Variants in MCOLN2 observed in about 807,000 individuals in gnomAD.
MCOLN2 encodes mucolipin TRP cation channel 2.
MCOLN2 carries 57 observed loss-of-function variants against 67.5 expected under a neutral mutation model. The ratio of observed to expected loss-of-function variants is 0.84; its 90% CI spans 0.68 to 1.05. The LOEUF (loss-of-function observed/expected upper bound fraction) is 1.05, where lower values mean the gene tolerates loss of function less well. Among genes scored for constraint, MCOLN2 ranks in the 50% least tolerant of loss-of-function variants. MCOLN2 has a pLI of 0.00. For missense variants in MCOLN2, 620 were observed against 678.8 expected (o/e 0.91, Z 0.96); for synonymous variants, 246 against 233.3 (o/e 1.05, Z -0.50).
intron 13 of MCOLN2, among the ~76,000 whole-genome samples, chr1:84,927,230 T>C (rs970982851): frequency 2.0e-5 from 3 of 151,944 alleles, no homozygotes; most frequent in Non-Finnish European, 2.9e-5. Flanking sequence ...AAAATATATG[T>C]TACATTTAGG....
intron 7 of MCOLN2, among the ~76,000 whole-genome samples, chr1:84,945,871 C>A (rs937256961): frequency 1.3e-5 from 2 of 152,136 alleles, no homozygotes; most frequent in African/African-American, 4.8e-5. Context: ...CTCAGCCTCC[C>A]AAGTAGCTGG....
At chr1:84,964,536 T>A (rs974450215) in intron 2 of MCOLN2, among the ~76,000 whole-genome samples, 3 of 101,124 alleles carry the variant, frequency 3.0e-5, no homozygotes, top group Admixed American at 1.2e-4. Context: ...TGGGGGGGGG[T>A]GGGTAATGGT....
chr1:84,931,312 A>C (rs746238118), intron 12 of MCOLN2, 50 bp downstream of exon 12: 2 of 1,067,330 alleles, frequency 1.9e-6, no homozygotes, highest in African/African-American at 3.2e-5. Context: ...CCTATAATCT[A>C]TATAGAATTT....
At chr1:84,964,629 T>C (rs919233928) in intron 2 of MCOLN2, among the ~76,000 whole-genome samples, 1 of 152,012 alleles carries the variant, frequency 6.6e-6, no homozygotes, top group South Asian at 2.1e-4. Flanking sequence ...GAAACAATTA[T>C]ACAACTCACC....
intron 1 of MCOLN2, among the ~76,000 whole-genome samples, chr1:84,995,668 T>C (rs544519571): frequency 2.0e-5 from 3 of 152,346 alleles, no homozygotes; most frequent in South Asian, 4.1e-4. Flanking sequence ...GACAGAGACA[T>C]AGCCAAAGAG....
At chr1:84,964,488 A>G (rs1465553417) in intron 2 of MCOLN2, among the ~76,000 whole-genome samples, 3 of 135,600 alleles carry the variant, frequency 2.2e-5, no homozygotes, top group Non-Finnish European at 4.6e-5. Context: ...CTGGTTTTGT[A>G]GAAGACAATT....
chr1:84,979,079 G>A (rs111758617), intron 1 of MCOLN2, among the ~76,000 whole-genome samples: 8 of 152,104 alleles, frequency 5.3e-5, no homozygotes, highest in Admixed American at 2.0e-4. Context: ...ATTAGATTGT[G>A]TCCACCCAGA....
intron 6 of MCOLN2, among the ~76,000 whole-genome samples, chr1:84,947,601 G>T (rs1648185863): frequency 6.6e-6 from 1 of 152,228 alleles, no homozygotes; most frequent in South Asian, 2.1e-4. Context: ...CCTTGCTACA[G>T]GAGAGCCCTC....
At chr1:84,967,999 G>A (rs557865216) in intron 1 of MCOLN2, among the ~76,000 whole-genome samples, 2 of 152,166 alleles carry the variant, frequency 1.3e-5, no homozygotes, top group South Asian at 4.2e-4. Context: ...AAGAACTCCT[G>A]GGTCAATCTT....
At chr1:84,930,836 A>C (rs757243401) in intron 12 of MCOLN2, among the ~76,000 whole-genome samples, 1 of 152,194 alleles carries the variant, frequency 6.6e-6, no homozygotes, top group Non-Finnish European at 1.5e-5. Context: ...TCAAGCCACA[A>C]ATCAGTTAAA....
At position 84,926,381 on chromosome 1, in the gene MCOLN2, C is replaced by G. The variant is rs79684080; in HGVS notation, c.*304G>C. 0.014 allele frequency: 3,822 copies of G among 270,290 alleles called. 67 individuals are homozygous for G. The highest frequency in any genetic ancestry group is 0.052 in the African/African-American group (2,354 of 45,688). The allele number at this position is 270,290 out of a possible 1,614,324, so 16.7% of individuals were successfully genotyped here. A position where few individuals can be genotyped will look rare whatever the true frequency, so the allele number is the denominator to read the frequency against. On this transcript the variant is annotated 3_prime_UTR_variant, in exon 14 of 14. Transcript: ENST00000370608. Reference sequence around the variant, plus strand: ...GTTAAAGACTATTATTTCGCACACTCTGAAATGATCTTTTTCCATTCCGAG... The same window carrying G: ...GTTAAAGACTATTATTTCGCACACTGTGAAATGATCTTTTTCCATTCCGAG...
chr1:84,947,945 C>A (rs535554870), intron 6 of MCOLN2, among the ~76,000 whole-genome samples: 2 of 152,368 alleles, frequency 1.3e-5, no homozygotes, highest in East Asian at 3.9e-4. Flanking sequence ...CCTGCCCCTG[C>A]CCCTGGGAAC....
At chr1:84,990,446 T>TA (rs11395176) in intron 1 of MCOLN2, among the ~76,000 whole-genome samples, 21,469 of 151,382 alleles carry the variant, frequency 0.14, 1,619 homozygotes, top group East Asian at 0.26. Flanking sequence ...TAATAATAAT[T>TA]AAAAAAAAGA....
chr1:84,984,986 C>T (rs1208382298), intron 1 of MCOLN2, among the ~76,000 whole-genome samples: 3 of 152,048 alleles, frequency 2.0e-5, no homozygotes, highest in Non-Finnish European at 1.5e-5. Context: ...AGAGCAAGAC[C>T]CTGTCTCAAA....
rs1291985990 is a variant in MCOLN2, at chr1:84,940,135, C to T, written c.961-433G>A. On this transcript the variant is annotated intron_variant, in intron 8 of 13. Coordinates refer to ENST00000370608, the MANE Select transcript of MCOLN2 (RefSeq NM_153259.4). Reference sequence around the variant, plus strand: ...AGTGCGTGCTCCAAATATGAGCCCCCTCACCTTGGCAGGGAAAGGACCTTA... The same window carrying T: ...AGTGCGTGCTCCAAATATGAGCCCCTTCACCTTGGCAGGGAAAGGACCTTA... Among the ~76,000 whole-genome samples the T allele has an allele frequency of 2.0e-5, 3 of 151,904 alleles. No homozygotes were observed. In the East Asian group the frequency reaches 5.8e-4, roughly 29 times the overall value.
chr1:84,970,343 CAG>C (rs1247180109), intron 1 of MCOLN2, among the ~76,000 whole-genome samples: 1 of 149,056 alleles, frequency 6.7e-6, no homozygotes, highest in African/African-American at 2.5e-5. Context: ...TTTCTCGAAA[CAG>C]TGGTGCAAAA....
At chr1:84,971,722 G>GT (rs896888296) in intron 1 of MCOLN2, among the ~76,000 whole-genome samples, 2 of 152,200 alleles carry the variant, frequency 1.3e-5, no homozygotes, top group African/African-American at 2.4e-5. Flanking sequence ...CTGGCTGGGG[G>GT]TTTTACAGGA....
At chr1:84,953,477 G>A (rs1557644258) in intron 4 of MCOLN2, among the ~76,000 whole-genome samples, 1 of 151,524 alleles carries the variant, frequency 6.6e-6, no homozygotes. Context: ...TTGAACCCGG[G>A]AGGCAGAGGT....
At chr1:84,928,699 A>G (rs1470926869) in intron 13 of MCOLN2, among the ~76,000 whole-genome samples, 4 of 152,186 alleles carry the variant, frequency 2.6e-5, no homozygotes, top group African/African-American at 9.7e-5. Flanking sequence ...TGTGATTCTG[A>G]AAACAACTCT....
Sources: allele counts gnomAD v4.1 joint callset (sites outside exome capture counted in the v4.1 genomes callset), GRCh38; gene constraint gnomAD v4.1.1; transcripts MANE v1.5; gene names NCBI Gene and HGNC (gene_info 2026-07-23, HGNC 2026-07-21).